Variants in SIDT1 observed in about 807,000 individuals in gnomAD.
SIDT1 encodes SID1 transmembrane family member 1.
In SIDT1, 101 loss-of-function variants were observed where a neutral mutation model predicts 107.5. The observed-to-expected ratio is 0.94, with a 90% CI of 0.80 to 1.11. SIDT1 has a LOEUF of 1.11. SIDT1 is among the 50% of genes least tolerant of loss of function. SIDT1 has a pLI of 0.00. For synonymous variants in SIDT1, 395 were observed against 398.2 expected (o/e 0.99, Z 0.10); for missense variants, 1,076 against 1,058.2 (o/e 1.02, Z -0.23).
chr3:113,554,179 C>G (rs1477970104), intron 1 of SIDT1, among the ~76,000 whole-genome samples: 1 of 152,190 alleles, frequency 6.6e-6, no homozygotes, highest in Non-Finnish European at 1.5e-5. Context: ...TATCTTCACA[C>G]CAGTTTCTGT....
chr3:113,564,026 G>A (rs558959717), intron 1 of SIDT1, among the ~76,000 whole-genome samples: 4 of 152,004 alleles, frequency 2.6e-5, no homozygotes, highest in East Asian at 1.9e-4. Flanking sequence ...TCAGCTCACC[G>A]CAACCTCTGC....
chr3:113,604,910 G>T lies in SIDT1; in HGVS notation c.1338G>T (p.Trp446Cys), dbSNP rs1172671876. Residue 446 changes from tryptophan (W) to cysteine (C), a missense_variant and splice_region_variant, in exon 14 of 25, where the codon TGG becomes TGT. Coordinates refer to ENST00000264852, the MANE Select transcript of SIDT1 (RefSeq NM_017699.3). ...IVSKKYKIYF[W>C]NIITIAVFYA... The stretch of plus-strand genomic sequence containing the variant: ...TTTCTGGTTCTTTCTGCCTGCATAG[G>T]AACATCATCACCATTGCTGTGTTTT... The T allele has an allele frequency of 6.2e-7, 1 of 1,613,946 alleles. No individual in the cohort carries two copies. The highest frequency in any genetic ancestry group is 1.7e-5 in the Admixed American group (1 of 60,016).
At chr3:113,539,389 A>G (rs1470243803) in intron 1 of SIDT1, among the ~76,000 whole-genome samples, 2 of 152,200 alleles carry the variant, frequency 1.3e-5, no homozygotes, top group Non-Finnish European at 2.9e-5. Context: ...GAATGAAGTT[A>G]TTCCTTTCCC....
intron 14 of SIDT1, 74 bp downstream of exon 14, chr3:113,605,050 A>G: frequency 6.6e-7 from 1 of 1,510,420 alleles, no homozygotes; most frequent in Admixed American, 1.7e-5. Context: ...TGTGACTGAC[A>G]GAGAGAGGTA....
chr3:113,544,228 G>A (rs569261612), intron 1 of SIDT1, among the ~76,000 whole-genome samples: 10 of 152,088 alleles, frequency 6.6e-5, no homozygotes, highest in African/African-American at 2.4e-4. Flanking sequence ...GTCTCCCTCT[G>A]TCGCCAGGAT....
At chr3:113,630,685 G>A (rs547531817), downstream of SIDT1, among the ~76,000 whole-genome samples, 6 of 152,180 alleles carry the variant, frequency 3.9e-5, no homozygotes, top group African/African-American at 9.7e-5. Context: ...CCACCTACTC[G>A]CTATGTGCCC....
intron 10 of SIDT1, among the ~76,000 whole-genome samples, chr3:113,595,635 T>G (rs1944493210): frequency 6.6e-6 from 1 of 151,178 alleles, no homozygotes; most frequent in East Asian, 1.9e-4. Flanking sequence ...CAAAACTCTT[T>G]CCCCACATCC....
intron 3 of SIDT1, among the ~76,000 whole-genome samples, chr3:113,576,170 T>A (rs556486029): frequency 6.6e-6 from 1 of 152,142 alleles, no homozygotes; most frequent in East Asian, 1.9e-4. Flanking sequence ...CTCTTCACAC[T>A]CTCCTTTCTT....
In SIDT1 at chr3:113,608,408, TC is replaced by T. The variant is rs777097088; in HGVS notation, c.1603-9del. ...TTTAGTATCTATTGACCACCCTTTC[TC>T]CTTTTTCAGGAGTACGGGATTCCCA... is the stretch of plus-strand genomic sequence containing the variant. On this transcript the variant is annotated splice_polypyrimidine_tract_variant and intron_variant, in intron 16 of 24. Coordinates refer to ENST00000264852, the MANE Select transcript of SIDT1 (RefSeq NM_017699.3). 7 of 1,600,004 alleles carry T rather than the reference TC, an allele frequency of 4.4e-6. No individual in the cohort carries two copies. The highest frequency in any genetic ancestry group is 6.0e-6 in the Non-Finnish European group (7 of 1,167,192).
At chr3:113,585,086 G>A (rs958066071) in intron 8 of SIDT1, 91 bp from the exon 9 acceptor site, 27 of 876,992 alleles carry the variant, frequency 3.1e-5, no homozygotes, top group Non-Finnish European at 7.4e-6. Flanking sequence ...GAATCAATAT[G>A]ATGGAGGGGG....
chr3:113,592,261 G>A (rs969964048), intron 9 of SIDT1, among the ~76,000 whole-genome samples: 2 of 152,128 alleles, frequency 1.3e-5, no homozygotes, highest in Non-Finnish European at 2.9e-5. Context: ...TGGTGTGAAA[G>A]TAATTGCGGT....
chr3:113,608,138 G>C lies in SIDT1; in HGVS notation c.1523G>C (p.Gly508Ala). The C allele has an allele frequency of 1.2e-6, 2 of 1,612,514 alleles. No individual in the cohort carries two copies. Among genetic ancestry groups the C allele is most frequent in the Non-Finnish European group, 1.7e-6 (2 of 1,179,344 alleles). The part of the protein sequence containing the change: ...ILSNLGHVLL[G>A]FLFLLIVLRR... ...AGCAATCTGGGCCACGTGCTTCTGG[G>C]CTTCCTCTTCCTGCTGATAGTCTTG... The change falls in exon 16 of 25, where the codon GGC (glycine) becomes GCC (alanine). Residue 508 changes from glycine (G) to alanine (A), a missense_variant. Transcript: ENST00000264852.
downstream of SIDT1, among the ~76,000 whole-genome samples, chr3:113,634,154 T>C (rs1390777068): frequency 6.6e-6 from 1 of 152,146 alleles, no homozygotes; most frequent in Non-Finnish European, 1.5e-5. Flanking sequence ...GATGATTTTA[T>C]TCCATCCCTG....
At chr3:113,614,777 A>G (rs770757972) in intron 19 of SIDT1, among the ~76,000 whole-genome samples, 206 of 152,312 alleles carry the variant, frequency 1.4e-3, no homozygotes, top group Non-Finnish European at 2.3e-3. Flanking sequence ...GGGATTTCTC[A>G]TGAGAGAGGC....
Position 113,580,709 on chromosome 3 carries a change from G to A in SIDT1, c.663G>A (p.Met221Ile), listed in dbSNP as rs267599548. Residue 221 changes from methionine (M) to isoleucine (I), a missense_variant and splice_region_variant, in exon 5 of 25, where the codon ATG becomes ATA. Transcript: ENST00000264852. ...PCSVVSVQNIMCPVYDLDHNV... is the reference protein window; with the variant it reads ...PCSVVSVQNIICPVYDLDHNV... ...CTGTTGTCTCAGTCCAGAATATCATGGTGAGTGCTGATAACTTGCCAACCT... is the reference window on the plus strand; with the variant it reads ...CTGTTGTCTCAGTCCAGAATATCATAGTGAGTGCTGATAACTTGCCAACCT... 6.3e-7 allele frequency: 1 copy of A among 1,592,428 alleles called. No individual in the cohort carries two copies. The highest frequency in any genetic ancestry group is 1.1e-5 in the South Asian group (1 of 90,626).
At position 113,532,740 on chromosome 3, in the gene SIDT1, G is replaced by A. The variant is rs376635589; in HGVS notation, c.-282G>A. The stretch of plus-strand genomic sequence containing the variant: ...GGATTCTCGGCGATGAGAAACGGGG[G>A]ACTTAGAAGCCGGAGGAAAATCAGC... On this transcript the variant is annotated 5_prime_UTR_variant, in exon 1 of 25. Transcript: ENST00000264852. 1.1e-5 allele frequency: 4 copies of A among 353,632 alleles called. No homozygotes were observed. The highest frequency in any genetic ancestry group is 4.3e-5 in the East Asian group (1 of 23,320). The allele number at this position is 353,632 out of a possible 1,614,324, so 21.9% of individuals were successfully genotyped here. A position where few individuals can be genotyped will look rare whatever the true frequency, so the allele number is the denominator to read the frequency against.
At chr3:113,632,370 C>G (rs2047404425), downstream of SIDT1, among the ~76,000 whole-genome samples, 1 of 152,166 alleles carries the variant, frequency 6.6e-6, no homozygotes, top group South Asian at 2.1e-4. Flanking sequence ...TACAACATTA[C>G]CATCCCAGAA....
At chr3:113,590,911 A>G (rs1006430021) in intron 9 of SIDT1, among the ~76,000 whole-genome samples, 1 of 152,218 alleles carries the variant, frequency 6.6e-6, no homozygotes, top group Non-Finnish European at 1.5e-5. Flanking sequence ...AAAGAATTCT[A>G]TGTCTAATCT....
intron 10 of SIDT1, among the ~76,000 whole-genome samples, chr3:113,596,726 A>G (rs943537736): frequency 1.3e-5 from 2 of 152,240 alleles, no homozygotes; most frequent in Non-Finnish European, 2.9e-5. Context: ...GAGCCTCTAC[A>G]GAAATTCAGT....
Sources: allele counts gnomAD v4.1 joint callset (sites outside exome capture counted in the v4.1 genomes callset), GRCh38; gene constraint gnomAD v4.1.1; transcripts MANE v1.5; gene names NCBI Gene and HGNC (gene_info 2026-07-23, HGNC 2026-07-21).